The following GALNT5 variants were observed in gnomAD, a reference collection of about 807,000 sequenced individuals.
GALNT5 encodes polypeptide N-acetylgalactosaminyltransferase 5, also known as UDP-GalNAc:polypeptide N-acetylgalactosaminyltransferase 5.
GALNT5 carries 72 observed loss-of-function variants against 85.4 expected under a neutral mutation model. The ratio of observed to expected loss-of-function variants is 0.84; its 90% CI spans 0.70 to 1.03. The LOEUF (loss-of-function observed/expected upper bound fraction) is 1.03, where lower values mean the gene tolerates loss of function less well. Ranked by LOEUF, GALNT5 falls within the 50% of genes least tolerant of loss-of-function variation. The pLI is 0.00. For synonymous variants in GALNT5, 404 were observed against 397.0 expected, an observed-to-expected ratio of 1.02 and a Z score of -0.21; for missense variants, 1,137 against 1,135.5, an observed-to-expected ratio of 1.00 and a Z score of -0.02.
chr2:157,288,446 G>A (rs1683022337), intron 3 of GALNT5, among the ~76,000 whole-genome samples: 1 of 152,168 alleles, frequency 6.6e-6, no homozygotes, highest in South Asian at 2.1e-4. Flanking sequence ...GGTAATTTTT[G>A]AGCTGAGGTC....
intron 1 of GALNT5, among the ~76,000 whole-genome samples, chr2:157,265,796 T>A (rs1034651407): frequency 2.0e-5 from 3 of 152,356 alleles, no homozygotes; most frequent in Non-Finnish European, 4.4e-5. Context: ...TGTATTTTGC[T>A]GTTTGCTTTC....
Position 157,300,832 on chromosome 2 carries a change from G to A in GALNT5, c.2272G>A (p.Glu758Lys), listed in dbSNP as rs765012525. The change falls in exon 7 of 10, where the codon GAG becomes AAG. Residue 758 changes from glutamate to lysine, a missense_variant. By Grantham distance (56) the Glu-to-Lys change is moderately conservative (BLOSUM62 1). Coordinates refer to ENST00000259056, the MANE Select transcript of GALNT5 (RefSeq NM_014568.3). The part of the protein sequence containing the change: ...VAEVWLDEYK[E>K]LFYGHGDHLI... ...CGAGGTCTGGCTGGATGAGTATAAG[G>A]AGCTGTTCTATGGCCACGGAGACCA... The A allele has an allele frequency of 6.2e-6, 10 of 1,613,940 alleles. No homozygotes were observed. The highest frequency in any genetic ancestry group is 7.6e-6 in the Non-Finnish European group (9 of 1,180,000).
intron 5 of GALNT5, among the ~76,000 whole-genome samples, chr2:157,298,234 C>T (rs1683257996): frequency 1.3e-5 from 2 of 152,098 alleles, no homozygotes; most frequent in Non-Finnish European, 2.9e-5. Flanking sequence ...CTGCTGACTT[C>T]CCAAACCTGG....
At chr2:157,293,080 CTG>C (rs1683133621) in intron 3 of GALNT5, among the ~76,000 whole-genome samples, 4 of 152,222 alleles carry the variant, frequency 2.6e-5, no homozygotes, top group Admixed American at 2.6e-4. Context: ...CTACATGACT[CTG>C]TGAGTCTTCC....
intron 1 of GALNT5, among the ~76,000 whole-genome samples, chr2:157,261,949 G>C (rs1376912933): frequency 6.6e-6 from 1 of 151,978 alleles, no homozygotes; most frequent in Non-Finnish European, 1.5e-5. Flanking sequence ...AGCATAAGGG[G>C]AAATTGTTAT....
chr2:157,276,936 C>T (rs1045028140), intron 1 of GALNT5, among the ~76,000 whole-genome samples: 5 of 152,126 alleles, frequency 3.3e-5, no homozygotes, highest in Middle Eastern at 3.4e-3. Flanking sequence ...TTAGATCTTT[C>T]CTGCTTTCTT....
At chr2:157,299,517 A>T in intron 5 of GALNT5, 31 bp from the exon 6 acceptor site, 1 of 1,307,764 alleles carries the variant, frequency 7.6e-7, no homozygotes, top group Non-Finnish European at 1.1e-6. Flanking sequence ...CATGAGATGC[A>T]AGTTTAAAAA....
chr2:157,283,652 T>C (rs534832937), intron 1 of GALNT5, among the ~76,000 whole-genome samples: 2 of 152,136 alleles, frequency 1.3e-5, no homozygotes, highest in African/African-American at 4.8e-5. Context: ...CCCATGGCAG[T>C]TGGCAGACAG....
In GALNT5 at chr2:157,312,982, C is replaced by G. The variant is rs376127585; in HGVS notation, c.*1634C>G. 4 of 152,014 alleles carry G rather than the reference C, an allele frequency of 2.6e-5. No homozygotes were observed. The highest frequency in any genetic ancestry group is 2.0e-4 in the Admixed American group (3 of 15,258). 9.4% of individuals were successfully genotyped at this position (152,014 alleles called of 1,614,324 possible). A position where few individuals can be genotyped will look rare whatever the true frequency, so the allele number is the denominator to read the frequency against. Reference sequence around the variant, plus strand: ...TTTAATTTTGACTCCCAATGAGTTACGTAAAAGCAAAACTATAACTAAGAA... The same window carrying G: ...TTTAATTTTGACTCCCAATGAGTTAGGTAAAAGCAAAACTATAACTAAGAA... On this transcript the variant is annotated 3_prime_UTR_variant, in exon 10 of 10. Transcript: ENST00000259056.
intron 1 of GALNT5, among the ~76,000 whole-genome samples, chr2:157,273,630 CTTTTT>C (rs35430045): frequency 1.7e-4 from 4 of 23,744 alleles, no homozygotes; most frequent in African/African-American, 6.5e-4. Flanking sequence ...ATATTTCTTG[CTTTTT>C]TTTTTTTTTT....
intron 1 of GALNT5, among the ~76,000 whole-genome samples, chr2:157,269,435 A>G (rs1054207996): frequency 6.6e-6 from 1 of 152,164 alleles, no homozygotes; most frequent in African/African-American, 2.4e-5. Context: ...CCAGGCACTA[A>G]TATGATCTGT....
At chr2:157,294,137 C>T (rs572473591) in intron 3 of GALNT5, among the ~76,000 whole-genome samples, 60 of 152,296 alleles carry the variant, frequency 3.9e-4, no homozygotes, top group African/African-American at 1.3e-3. Flanking sequence ...GCTGAGCACC[C>T]AGGTATCAAA....
chr2:157,293,020 C>T (rs1204838453), intron 3 of GALNT5, among the ~76,000 whole-genome samples: 2 of 152,136 alleles, frequency 1.3e-5, no homozygotes, highest in Non-Finnish European at 2.9e-5. Flanking sequence ...TTTTCTACTA[C>T]ATTGTATACC....
chr2:157,306,828 C>T (rs1256413199), intron 8 of GALNT5, among the ~76,000 whole-genome samples: 1 of 152,132 alleles, frequency 6.6e-6, no homozygotes. Context: ...AATTGTAAAC[C>T]TGAAGCCAAG....
intron 1 of GALNT5, among the ~76,000 whole-genome samples, chr2:157,260,867 G>A (rs773890180): frequency 3.3e-5 from 5 of 152,130 alleles, no homozygotes; most frequent in East Asian, 3.8e-4. Flanking sequence ...TGCCATTCAC[G>A]CTTCTCACCC....
At chr2:157,287,869 T>C (rs1683012971) in intron 3 of GALNT5, among the ~76,000 whole-genome samples, 1 of 152,188 alleles carries the variant, frequency 6.6e-6, no homozygotes, top group Non-Finnish European at 1.5e-5. Context: ...TCTGAATACT[T>C]TGTGTATTAA....
intron 8 of GALNT5, among the ~76,000 whole-genome samples, chr2:157,306,928 C>G (rs1441540046): frequency 6.6e-6 from 1 of 151,086 alleles, no homozygotes; most frequent in African/African-American, 2.4e-5. Flanking sequence ...CACTTACTAA[C>G]AAAGAGGAAA....
At chr2:157,291,996 C>A (rs988161057) in intron 3 of GALNT5, among the ~76,000 whole-genome samples, 1 of 151,954 alleles carries the variant, frequency 6.6e-6, no homozygotes, top group African/African-American at 2.4e-5. Flanking sequence ...ACTATGTACC[C>A]CATAAATATA....
intron 3 of GALNT5, among the ~76,000 whole-genome samples, chr2:157,286,893 AGTGTGT>A (rs3072178): frequency 0.02 from 2,673 of 135,862 alleles, 26 homozygotes; most frequent in African/African-American, 0.024. Flanking sequence ...TTTAAATACC[AGTGTGT>A]GTGTGTGTGT....
Sources: allele counts gnomAD v4.1 joint callset (sites outside exome capture counted in the v4.1 genomes callset), GRCh38; gene constraint gnomAD v4.1.1; transcripts MANE v1.5; gene names NCBI Gene and HGNC (gene_info 2026-07-23, HGNC 2026-07-21).